The following RERE variants were observed in gnomAD, a reference collection of about 807,000 sequenced individuals.
The protein encoded by RERE is arginine-glutamic acid dipeptide repeats, also known as arginine-glutamic acid dipeptide repeats protein.
In RERE, 40 loss-of-function variants were observed where a neutral mutation model predicts 146.1. That is an observed-to-expected ratio of 0.27 (90% CI 0.21 to 0.36). RERE has a LOEUF of 0.36. RERE is among the 10% of genes least tolerant of loss of function. The probability of loss-of-function intolerance (pLI) is 1.00; values close to 1 mark genes in which losing one functional copy is unlikely to be tolerated. For missense variants in RERE, 1,933 were observed against 2,138.7 expected, an observed-to-expected ratio of 0.90 and a Z score of 1.90; for synonymous variants, 1,003 against 866.0, an observed-to-expected ratio of 1.16 and a Z score of -2.78.
chr1:8,358,947 C>T (rs200323420), intron 19 of RERE, 31 bp from the exon 20 acceptor site: 3 of 1,502,670 alleles, frequency 2.0e-6, no homozygotes, highest in Non-Finnish European at 1.8e-6. Context: ...GTGAGGGGTC[C>T]CCCGAGCGCC....
intron 1 of RERE, among the ~76,000 whole-genome samples, chr1:8,723,489 C>T (rs1014456289): frequency 6.6e-6 from 1 of 151,870 alleles, no homozygotes; most frequent in African/African-American, 2.4e-5. Context: ...ACTATTAGAA[C>T]ACTACCTGAC....
chr1:8,519,432 C>T (rs1243270346), intron 7 of RERE, among the ~76,000 whole-genome samples: 1 of 152,078 alleles, frequency 6.6e-6, no homozygotes, highest in African/African-American at 2.4e-5. Flanking sequence ...GACCCTGTCG[C>T]TAATAAAATT....
At chr1:8,744,595 G>A (rs1179090289) in intron 1 of RERE, among the ~76,000 whole-genome samples, 2 of 152,078 alleles carry the variant, frequency 1.3e-5, no homozygotes, top group African/African-American at 4.8e-5. Context: ...TAAAACAATA[G>A]GAAAGACAGA....
At chr1:8,458,042 A>G (rs965602166) in intron 11 of RERE, among the ~76,000 whole-genome samples, 1 of 152,172 alleles carries the variant, frequency 6.6e-6, no homozygotes. Context: ...TACCAATGTA[A>G]TATGTCTCAC....
rs1447703916 is a variant in RERE at position 8,392,192 on chromosome 1, A to C, written c.1285-26218T>G. Among the ~76,000 whole-genome samples the C allele has an allele frequency of 2.6e-5, 4 of 152,362 alleles. No individual in the cohort carries two copies. The East Asian group carries it at 5.8e-4, about 22-fold the overall frequency. ...TAATAACAACTTGACTTACCTTGTA[A>C]AGAAATAACCTAAAAAGCCATGTAC... On this transcript the variant is annotated intron_variant, in intron 12 of 22. Coordinates refer to ENST00000400908, the MANE Select transcript of RERE (RefSeq NM_001042681.2).
At chr1:8,580,524 A>G (rs1313473203) in intron 4 of RERE, among the ~76,000 whole-genome samples, 1 of 152,246 alleles carries the variant, frequency 6.6e-6, no homozygotes, top group African/African-American at 2.4e-5. Context: ...TAAAATACAG[A>G]AAATGTTTTC....
At chr1:8,626,802 C>T (rs1057308754) in intron 2 of RERE, among the ~76,000 whole-genome samples, 1 of 152,188 alleles carries the variant, frequency 6.6e-6, no homozygotes, top group Non-Finnish European at 1.5e-5. Flanking sequence ...AGCCCCTCTC[C>T]GGTTTATTCT....
chr1:8,622,010 A>G (rs902607386), intron 3 of RERE, among the ~76,000 whole-genome samples: 14 of 152,214 alleles, frequency 9.2e-5, no homozygotes, highest in African/African-American at 3.1e-4. Flanking sequence ...AAACATGAGA[A>G]ACAGCAGTGT....
chr1:8,369,984 G>A (rs1188023968), intron 12 of RERE, among the ~76,000 whole-genome samples: 1 of 152,074 alleles, frequency 6.6e-6, no homozygotes, highest in Non-Finnish European at 1.5e-5. Flanking sequence ...TAGAGACGGG[G>A]TTTCACTGTG....
intron 2 of RERE, among the ~76,000 whole-genome samples, chr1:8,653,318 T>A (rs1013060276): frequency 6.6e-6 from 1 of 152,202 alleles, no homozygotes; most frequent in African/African-American, 2.4e-5. Flanking sequence ...TTGACAGTGA[T>A]CCAAACTGTA....
At chr1:8,758,942 TA>T (rs2124527434) in intron 1 of RERE, among the ~76,000 whole-genome samples, 1 of 152,164 alleles carries the variant, frequency 6.6e-6, no homozygotes, top group South Asian at 2.1e-4. Context: ...GTATACACAA[TA>T]AATGTGTACA....
At chr1:8,556,713 G>A in intron 5 of RERE, 142 bp from the exon 6 acceptor site, 1 of 590,716 alleles carries the variant, frequency 1.7e-6, no homozygotes, top group Non-Finnish European at 3.0e-6. Flanking sequence ...AAATAGAGAA[G>A]AGGAATCATA....
At chr1:8,585,597 A>G (rs962986239) in intron 4 of RERE, among the ~76,000 whole-genome samples, 4 of 152,238 alleles carry the variant, frequency 2.6e-5, no homozygotes, top group African/African-American at 9.6e-5. Context: ...AAAGATTCCC[A>G]GGATCATGTC....
chr1:8,622,945 G>A (rs1474524529), intron 3 of RERE, among the ~76,000 whole-genome samples: 1 of 152,164 alleles, frequency 6.6e-6, no homozygotes, highest in Non-Finnish European at 1.5e-5. Flanking sequence ...TACAAAGGGT[G>A]TTGGAAATAA....
At chr1:8,614,246 T>G (rs1326717295) in intron 4 of RERE, among the ~76,000 whole-genome samples, 1 of 152,096 alleles carries the variant, frequency 6.6e-6, no homozygotes. Flanking sequence ...ACTTACCCCC[T>G]TTTTTCCCCA....
At chr1:8,735,878 G>C (rs1640186445) in intron 1 of RERE, among the ~76,000 whole-genome samples, 1 of 152,030 alleles carries the variant, frequency 6.6e-6, no homozygotes, top group Non-Finnish European at 1.5e-5. Context: ...CTGCAGTACT[G>C]TGAGCTAACT....
intron 1 of RERE, among the ~76,000 whole-genome samples, chr1:8,705,699 A>C (rs995125654): frequency 6.6e-6 from 1 of 152,228 alleles, no homozygotes; most frequent in African/African-American, 2.4e-5. Context: ...TCAGGTACAC[A>C]AATCTGTTGA....
chr1:8,400,217 G>GTC (rs1643200379), intron 12 of RERE, among the ~76,000 whole-genome samples: 1 of 73,396 alleles, frequency 1.4e-5, no homozygotes, highest in African/African-American at 4.5e-5. Flanking sequence ...CCATTCCTGT[G>GTC]TCATATGTGT....
intron 1 of RERE, among the ~76,000 whole-genome samples, chr1:8,760,279 G>T (rs191133539): frequency 2.0e-5 from 3 of 152,162 alleles, no homozygotes; most frequent in African/African-American, 7.2e-5. Context: ...CGCCCGCCTC[G>T]GCCTCCCAAA....
Sources: gnomAD v4.1 joint callset for allele counts (sites outside exome capture counted in the v4.1 genomes callset) on GRCh38, gnomAD v4.1.1 for gene constraint, MANE v1.5 for transcripts, NCBI Gene and HGNC (gene_info 2026-07-23, HGNC 2026-07-21) for gene names.